LRP1B: variants seen among roughly 807,000 people sequenced by gnomAD.
LRP1B encodes the protein LDL receptor related protein 1B.
A neutral mutation model predicts 556.6 loss-of-function variants in LRP1B; 217 were observed. The ratio of observed to expected loss-of-function variants is 0.39; its 90% CI spans 0.35 to 0.44. The LOEUF (loss-of-function observed/expected upper bound fraction) is 0.44. Among genes scored for constraint, LRP1B ranks in the 20% least tolerant of loss-of-function variants. The probability of loss-of-function intolerance (pLI) is 1.00; values close to 1 mark genes in which losing one functional copy is unlikely to be tolerated. For missense variants in LRP1B, 5,053 were observed against 5,620.8 expected (o/e 0.90, Z 3.23); for synonymous variants, 2,047 against 1,865.8 (o/e 1.10, Z -2.50).
At chr2:141,790,396 AG>A (rs1254638562) in intron 2 of LRP1B, among the ~76,000 whole-genome samples, 1 of 151,816 alleles carries the variant, frequency 6.6e-6, no homozygotes, top group East Asian at 1.9e-4. Context: ...ACTTCAGAGC[AG>A]TTGTTTCAAG....
intron 1 of LRP1B, among the ~76,000 whole-genome samples, chr2:141,961,024 A>G (rs947576980): frequency 6.6e-6 from 1 of 151,796 alleles, no homozygotes; most frequent in African/African-American, 2.4e-5. Flanking sequence ...ATGATTAACT[A>G]TAAATACTAA....
At chr2:141,748,423 G>A (rs1390417896) in intron 2 of LRP1B, among the ~76,000 whole-genome samples, 1 of 152,058 alleles carries the variant, frequency 6.6e-6, no homozygotes, top group East Asian at 1.9e-4. Flanking sequence ...CAATTTAATT[G>A]TTTCTCTATT....
rs1322519102 is a variant in LRP1B, at chr2:140,950,391, C to T, written c.2980G>A (p.Gly994Arg). The change falls in exon 20 of 91, where the codon GGG (glycine) becomes AGG (arginine). Residue 994 changes from glycine to arginine, a missense_variant. Gly to Arg is a moderately radical substitution (Grantham distance 125). Coordinates refer to ENST00000389484, the MANE Select transcript of LRP1B (RefSeq NM_018557.3). ...KWHCDSDDDC[G>R]DGSDEVGCVH... ...CAGCCCACCTCATCACTCCCGTCCC[C>T]ACAGTCGTCATCTGGAAAGAAACAT... is the stretch of plus-strand genomic sequence containing the variant. The T allele has an allele frequency of 3.1e-6, 5 of 1,600,964 alleles. No individual in the cohort carries two copies. Among genetic ancestry groups the T allele is most frequent in the Non-Finnish European group, 4.3e-6 (5 of 1,175,592 alleles).
At chr2:140,238,766 G>A (rs11693029) in intron 88 of LRP1B, among the ~76,000 whole-genome samples, 110 of 150,898 alleles carry the variant, frequency 7.3e-4, no homozygotes, top group Non-Finnish European at 1.2e-3. Context: ...TGGGCTTTTA[G>A]TATGTCCATC....
intron 7 of LRP1B, among the ~76,000 whole-genome samples, chr2:141,147,355 G>A (rs1701810993): frequency 6.6e-6 from 1 of 152,126 alleles, no homozygotes. Context: ...CCTGATACAA[G>A]AGCTGATTTT....
chr2:141,652,940 A>T (rs779903057), intron 2 of LRP1B, among the ~76,000 whole-genome samples: 1 of 152,138 alleles, frequency 6.6e-6, no homozygotes, highest in Non-Finnish European at 1.5e-5. Flanking sequence ...CCAGAATACC[A>T]GGGGTGTTTG....
chr2:141,631,352 C>G (rs954245266), intron 2 of LRP1B, among the ~76,000 whole-genome samples: 1 of 151,820 alleles, frequency 6.6e-6, no homozygotes. Flanking sequence ...GGGACACAGC[C>G]AAACCATATC....
At chr2:141,108,542 G>C (rs1449651230) in intron 7 of LRP1B, among the ~76,000 whole-genome samples, 1 of 151,680 alleles carries the variant, frequency 6.6e-6, no homozygotes, top group South Asian at 2.1e-4. Flanking sequence ...TAGAGACACA[G>C]TTTCACCATG....
At chr2:141,125,857 A>C (rs932845195) in intron 7 of LRP1B, among the ~76,000 whole-genome samples, 6 of 150,476 alleles carry the variant, frequency 4.0e-5, no homozygotes, top group Non-Finnish European at 8.9e-5. Flanking sequence ...AAAAAAAAAA[A>C]AAAACAAAAA....
Position 141,903,859 on chromosome 2 carries a change from A to G in LRP1B, c.83-93458T>C, listed in dbSNP as rs1206201621. On this transcript the variant is annotated intron_variant, in intron 1 of 90. Coordinates refer to ENST00000389484, the MANE Select transcript of LRP1B (RefSeq NM_018557.3). The stretch of plus-strand genomic sequence containing the variant: ...GTTACGTGGTAGATGTAACTGATGG[A>G]CCAGTTACTTGTTTAGGGTAATCAG... Among the ~76,000 whole-genome samples, 4 of 151,934 alleles carry G rather than the reference A, an allele frequency of 2.6e-5. No homozygotes were observed. The East Asian group carries it at 7.7e-4, about 29-fold the overall frequency.
intron 6 of LRP1B, among the ~76,000 whole-genome samples, chr2:141,205,996 T>C (rs1682259449): frequency 6.6e-6 from 1 of 152,160 alleles, no homozygotes. Context: ...AACCATAGAC[T>C]GGGCCTAATG....
chr2:141,964,988 T>C (rs1447510298), intron 1 of LRP1B, among the ~76,000 whole-genome samples: 1 of 146,204 alleles, frequency 6.8e-6, no homozygotes, highest in African/African-American at 2.5e-5. Context: ...AAAAAACACA[T>C]GAAAAAATGC....
intron 60 of LRP1B, among the ~76,000 whole-genome samples, chr2:140,473,339 C>T (rs1202899614): frequency 6.6e-6 from 1 of 151,988 alleles, no homozygotes; most frequent in African/African-American, 2.4e-5. Flanking sequence ...AGTCTTGATG[C>T]ATTTTCAAAA....
chr2:141,868,071 C>T (rs775514844), intron 1 of LRP1B, among the ~76,000 whole-genome samples: 10 of 152,174 alleles, frequency 6.6e-5, no homozygotes, highest in Non-Finnish European at 1.0e-4. Flanking sequence ...CTTCTAACAT[C>T]TATTCTGACT....
Position 141,105,027 on chromosome 2 carries a change from TAATA to T in LRP1B, c.1014-42758_1014-42755del, listed in dbSNP as rs199837763. ...TCATAAGGCTCTTATAATAAATAAATAATAAATAAATAAAATTGGCTTAGCATGA... is the reference window on the plus strand; with the variant it reads ...TCATAAGGCTCTTATAATAAATAAATAATAAATAAAATTGGCTTAGCATGA... On this transcript the variant is annotated intron_variant, in intron 7 of 90. Transcript: ENST00000389484. Among the ~76,000 whole-genome samples, 1,136 of 152,116 alleles carry T rather than the reference TAATA, an allele frequency of 7.5e-3. 50 individuals are homozygous for T. The highest frequency in any genetic ancestry group is 0.054 in the Admixed American group (831 of 15,248).
intron 8 of LRP1B, 126 bp from the exon 9 acceptor site, chr2:141,059,180 CT>C (rs56299825): frequency 0.12 from 68,565 of 595,488 alleles, 4,628 homozygotes; most frequent in Non-Finnish European, 0.13. Flanking sequence ...ATGTTATTTA[CT>C]TTTTCTCAAG....
At chr2:140,329,742 G>C (rs1680696019) in intron 79 of LRP1B, among the ~76,000 whole-genome samples, 1 of 151,792 alleles carries the variant, frequency 6.6e-6, no homozygotes. Flanking sequence ...AAGGGAACCA[G>C]AGAAAACACA....
chr2:140,822,282 A>G (rs1391482718), intron 31 of LRP1B, among the ~76,000 whole-genome samples: 1 of 152,352 alleles, frequency 6.6e-6, no homozygotes, highest in Middle Eastern at 3.4e-3. Flanking sequence ...TCAACAATGG[A>G]TAACTGGAAT....
chr2:141,278,000 G>A lies in LRP1B; in HGVS notation c.344-23359C>T, dbSNP rs76152014. On this transcript the variant is annotated intron_variant, in intron 3 of 90. Coordinates refer to ENST00000389484, the MANE Select transcript of LRP1B (RefSeq NM_018557.3). Reference sequence around the variant, plus strand: ...TATCCATACTTCTTGAAAATAATAAGAAAACATTAAGTAAATATAAGAGCT... The same window carrying A: ...TATCCATACTTCTTGAAAATAATAAAAAAACATTAAGTAAATATAAGAGCT... 6.2e-3 allele frequency among the ~76,000 whole-genome samples: 941 copies of A among 152,074 alleles called. 48 individuals are homozygous for A. In the East Asian group the frequency reaches 0.11, roughly 18 times the overall value.
Sources: allele counts gnomAD v4.1 joint callset (sites outside exome capture counted in the v4.1 genomes callset), GRCh38; gene constraint gnomAD v4.1.1; transcripts MANE v1.5; gene names NCBI Gene and HGNC (gene_info 2026-07-23, HGNC 2026-07-21).